The following ADAM7 variants were observed in gnomAD, a reference collection of about 807,000 sequenced individuals.
The protein encoded by ADAM7 is ADAM metallopeptidase domain 7.
A neutral mutation model predicts 102.9 loss-of-function variants in ADAM7; 97 were observed. The observed-to-expected ratio is 0.94, with a 90% CI of 0.80 to 1.12. The LOEUF (loss-of-function observed/expected upper bound fraction) is 1.12, where lower values mean the gene tolerates loss of function less well. Ranked by LOEUF, ADAM7 falls within the 50% of genes most tolerant of loss-of-function variation. ADAM7 has a pLI of 0.00. For missense variants in ADAM7, 991 were observed against 908.7 expected (o/e 1.09, Z -1.16); for synonymous variants, 334 against 304.4 (o/e 1.10, Z -1.01).
At chr8:24,456,820 TA>T (rs2129378038) in intron 3 of ADAM7, among the ~76,000 whole-genome samples, 1 of 152,322 alleles carries the variant, frequency 6.6e-6, no homozygotes, top group East Asian at 1.9e-4. Context: ...TTCTGTTGAA[TA>T]AATATACTGC....
intron 7 of ADAM7, 66 bp from the exon 8 acceptor site, chr8:24,476,367 T>C (rs895181357): frequency 5.0e-6 from 6 of 1,190,632 alleles, no homozygotes; most frequent in Admixed American, 2.1e-5. Flanking sequence ...ATGAATGAAG[T>C]ATTTTGTTGA....
Position 24,497,748 on chromosome 8 carries a change from G to T in ADAM7, c.1843-1488G>T, listed in dbSNP as rs191208480. Among the ~76,000 whole-genome samples, 8 of 151,706 alleles carry T rather than the reference G, an allele frequency of 5.3e-5. No homozygotes were observed. In the East Asian group the frequency reaches 1.4e-3, roughly 26 times the overall value. On this transcript the variant is annotated intron_variant, in intron 16 of 21. Coordinates refer to ENST00000175238, the MANE Select transcript of ADAM7 (RefSeq NM_003817.4). The stretch of plus-strand genomic sequence containing the variant: ...GAAAAATTTATAGAAAGAGATGAAG[G>T]CTTTTACTTACCCTCATGCCTTGAA...
chr8:24,478,454 G>T (rs998795910), intron 8 of ADAM7, among the ~76,000 whole-genome samples: 2 of 152,074 alleles, frequency 1.3e-5, no homozygotes, highest in African/African-American at 4.8e-5. Flanking sequence ...CCTCTGATTT[G>T]GGTACCTTAA....
chr8:24,472,831 T>C (rs1414117413), intron 7 of ADAM7, among the ~76,000 whole-genome samples: 1 of 151,946 alleles, frequency 6.6e-6, no homozygotes. Flanking sequence ...TACTAATTCT[T>C]TGAAAACATT....
In ADAM7 at chr8:24,471,968, C is replaced by T. The variant is rs140377923; in HGVS notation, c.633+3148C>T. ...TAAAAAATCTCAAAACTAGTTTCTT[C>T]TCTCCAAAAATATATCTTATGATTT... On this transcript the variant is annotated intron_variant, in intron 7 of 21. Transcript: ENST00000175238. 2.9e-3 allele frequency among the ~76,000 whole-genome samples: 438 copies of T among 151,836 alleles called. 4 individuals carry two copies. The highest frequency in any genetic ancestry group is 9.9e-3 in the African/African-American group (410 of 41,488).
chr8:24,461,831 T>TA (rs1819252870), intron 3 of ADAM7, among the ~76,000 whole-genome samples: 1 of 152,198 alleles, frequency 6.6e-6, no homozygotes, highest in Non-Finnish European at 1.5e-5. Flanking sequence ...AATTTGTTTT[T>TA]AAAAAATATA....
chr8:24,449,721 G>T (rs1818707417), intron 3 of ADAM7, among the ~76,000 whole-genome samples: 1 of 152,070 alleles, frequency 6.6e-6, no homozygotes, highest in South Asian at 2.1e-4. Flanking sequence ...TGAAGTCCTT[G>T]CCCATGCCTA....
intron 3 of ADAM7, among the ~76,000 whole-genome samples, chr8:24,463,077 T>C (rs952887072): frequency 7.2e-5 from 11 of 152,162 alleles, no homozygotes; most frequent in Admixed American, 3.3e-4. Flanking sequence ...TCTTCACCTG[T>C]ACAGAAAAAG....
chr8:24,479,520 C>G (rs1004148948), intron 8 of ADAM7, among the ~76,000 whole-genome samples: 2 of 152,038 alleles, frequency 1.3e-5, no homozygotes, highest in African/African-American at 4.8e-5. Context: ...TTTTGCAAAA[C>G]AGCAATTCTC....
At chr8:24,502,528 T>C (rs1820797866) in intron 20 of ADAM7, among the ~76,000 whole-genome samples, 1 of 151,954 alleles carries the variant, frequency 6.6e-6, no homozygotes, top group East Asian at 1.9e-4. Flanking sequence ...TTAGTACATA[T>C]TATTAACATC....
At chr8:24,469,409 T>C (rs1324047582) in intron 7 of ADAM7, among the ~76,000 whole-genome samples, 5 of 152,156 alleles carry the variant, frequency 3.3e-5, no homozygotes, top group Admixed American at 1.3e-4. Flanking sequence ...ATGTTACACA[T>C]GGGAAAACAA....
intron 8 of ADAM7, among the ~76,000 whole-genome samples, chr8:24,477,613 T>G (rs960481543): frequency 3.1e-5 from 4 of 127,508 alleles, no homozygotes; most frequent in Non-Finnish European, 7.0e-5. Context: ...AGTGTTGGAT[T>G]CTCTGAACTT....
chr8:24,451,339 G>T (rs185430746), intron 3 of ADAM7, among the ~76,000 whole-genome samples: 1 of 152,262 alleles, frequency 6.6e-6, no homozygotes, highest in African/African-American at 2.4e-5. Flanking sequence ...CCTGTTATTG[G>T]TCTATTCAGA....
rs1818595703 is a variant in ADAM7 at position 24,447,263 on chromosome 8, G to A, written c.233+1G>A. The A allele has an allele frequency of 6.6e-7, 1 of 1,507,840 alleles. No homozygotes were observed. The highest frequency in any genetic ancestry group is 9.1e-7 in the Non-Finnish European group (1 of 1,104,444). The allele number at this position is 1,507,840 out of a possible 1,614,324, so 93.4% of individuals were successfully genotyped here. ...TAGTCCTTCATCTTCTAAGATCCAG[G>A]TAAGTTCTATTGTGATTCCAGTACC... On this transcript the variant is annotated splice_donor_variant, in intron 3 of 21. Coordinates refer to ENST00000175238, the MANE Select transcript of ADAM7 (RefSeq NM_003817.4). LOFTEE classifies it high-confidence loss of function.
chr8:24,507,052 G>A (rs1820975159), intron 20 of ADAM7, among the ~76,000 whole-genome samples: 1 of 152,116 alleles, frequency 6.6e-6, no homozygotes, highest in Non-Finnish European at 1.5e-5. Flanking sequence ...TACAGAAAGT[G>A]GCAGACAGCT....
intron 11 of ADAM7, among the ~76,000 whole-genome samples, chr8:24,488,829 T>A (rs1820236291): frequency 6.6e-6 from 1 of 152,104 alleles, no homozygotes. Flanking sequence ...GCTTGTAATC[T>A]AGTAGGGATG....
chr8:24,498,838 A>G (rs555781315), intron 16 of ADAM7, among the ~76,000 whole-genome samples: 1 of 151,958 alleles, frequency 6.6e-6, no homozygotes, highest in Non-Finnish European at 1.5e-5. Context: ...AATGACCATC[A>G]ATTGTGGTAT....
intron 3 of ADAM7, among the ~76,000 whole-genome samples, chr8:24,454,362 C>G (rs912887546): frequency 5.1e-4 from 77 of 150,840 alleles, no homozygotes; most frequent in African/African-American, 1.8e-3. Flanking sequence ...CAATGGCGGG[C>G]GCCCCTCCCC....
intron 7 of ADAM7, among the ~76,000 whole-genome samples, chr8:24,470,550 C>G (rs1819570132): frequency 6.6e-6 from 1 of 151,546 alleles, no homozygotes; most frequent in African/African-American, 2.4e-5. Context: ...AGTCATGCAC[C>G]ACATAACAAT....
Sources: allele counts gnomAD v4.1 joint callset (sites outside exome capture counted in the v4.1 genomes callset), GRCh38; gene constraint gnomAD v4.1.1; transcripts MANE v1.5; gene names NCBI Gene and HGNC (gene_info 2026-07-23, HGNC 2026-07-21).